The following EPG5 variants were observed in gnomAD, a reference collection of about 807,000 sequenced individuals.
EPG5 encodes ectopic P-granules 5 autophagy tethering factor, also known as ectopic P granules protein 5 homolog.
EPG5 carries 159 observed loss-of-function variants against 302.7 expected under a neutral mutation model. That is an observed-to-expected ratio of 0.53 (90% CI 0.46 to 0.60). The LOEUF is 0.60. Among genes scored for constraint, EPG5 ranks in the 20% least tolerant of loss-of-function variants. The pLI is 0.00. For synonymous variants in EPG5, 1,158 were observed against 1,136.8 expected, an observed-to-expected ratio of 1.02 and a Z score of -0.37; for missense variants, 2,896 against 3,092.4, an observed-to-expected ratio of 0.94 and a Z score of 1.51.
At chr18:45,924,812 C>T (rs8094023) in intron 14 of EPG5, among the ~76,000 whole-genome samples, 24,627 of 152,162 alleles carry the variant, frequency 0.16, 2,403 homozygotes, top group Admixed American at 0.3. Flanking sequence ...CCCAGCTACT[C>T]GGCAGAAGGC....
At chr18:45,841,611 C>G in the EPG5 span, among the ~76,000 whole-genome samples, 1 of 152,096 alleles carries the variant, frequency 6.6e-6, no homozygotes, top group Non-Finnish European at 1.5e-5. Context: ...AGGGCTTGCC[C>G]AAGAGCCCAG....
At chr18:45,914,638 G>A (rs193066139) in intron 20 of EPG5, among the ~76,000 whole-genome samples, 1 of 152,252 alleles carries the variant, frequency 6.6e-6, no homozygotes, top group Non-Finnish European at 1.5e-5. Flanking sequence ...ACTGAGGACA[G>A]ATAGGTAGGC....
intron 41 of EPG5, among the ~76,000 whole-genome samples, 169 bp downstream of exon 41, chr18:45,858,394 CAGA>C (rs1260112427): frequency 6.6e-6 from 1 of 152,250 alleles, no homozygotes; most frequent in Non-Finnish European, 1.5e-5. Flanking sequence ...AAAATCTGCT[CAGA>C]AGATTAGCCT....
intron 30 of EPG5, among the ~76,000 whole-genome samples, chr18:45,883,003 G>A (rs1315868522): frequency 4.7e-5 from 6 of 128,558 alleles, no homozygotes; most frequent in South Asian, 4.8e-4. Flanking sequence ...GCGAAACTGC[G>A]TCTCACAACA....
the EPG5 span, among the ~76,000 whole-genome samples, chr18:45,830,351 G>A: frequency 0.015 from 2,227 of 152,302 alleles, 24 homozygotes; most frequent in Non-Finnish European, 0.022. Flanking sequence ...AGTAGGTTCG[G>A]CATCAGTCAA....
At chr18:45,938,199 G>A (rs1007240822) in intron 10 of EPG5, among the ~76,000 whole-genome samples, 1 of 152,144 alleles carries the variant, frequency 6.6e-6, no homozygotes, top group African/African-American at 2.4e-5. Context: ...AGTGGCTCAT[G>A]TCTGTAATCA....
chr18:45,862,846 A>T (rs2048664937), intron 39 of EPG5, among the ~76,000 whole-genome samples: 1 of 152,236 alleles, frequency 6.6e-6, no homozygotes, highest in Non-Finnish European at 1.5e-5. Flanking sequence ...AATAAGTCCC[A>T]TGTTAGCTGC....
chr18:45,884,497 C>G (rs1177809686), intron 30 of EPG5, 120 bp downstream of exon 30: 2 of 804,632 alleles, frequency 2.5e-6, no homozygotes, highest in Non-Finnish European at 3.8e-6. Flanking sequence ...GTGAAAAAGG[C>G]CTCTCAGCCT....
intron 43 of EPG5, 46 bp downstream of exon 43, chr18:45,855,527 G>A: frequency 7.1e-7 from 1 of 1,406,588 alleles, no homozygotes; most frequent in Non-Finnish European, 1.0e-6. Context: ...TGCCTTCTAG[G>A]GAAGATGTGC....
At chr18:45,836,997 T>A in the EPG5 span, 5 of 1,108,476 alleles carry the variant, frequency 4.5e-6, no homozygotes, top group African/African-American at 6.1e-5. Flanking sequence ...TTTATTCACG[T>A]GTAACCCGGG....
At chr18:45,939,142 A>C (rs978127654) in intron 10 of EPG5, among the ~76,000 whole-genome samples, 6 of 152,210 alleles carry the variant, frequency 3.9e-5, no homozygotes, top group African/African-American at 1.4e-4. Context: ...AGCATTTACA[A>C]AGCTAAGACA....
chr18:45,955,167 C>T lies in EPG5; in HGVS notation c.235G>A (p.Glu79Lys), dbSNP rs2050999503. ...GAGGTGAGTGGTACATCAAACATTT[C>T]ACTCTCATTTTGTCCACTGGCATCA... Reference protein sequence around the residue: ...QDDASGQNESEMFDVPLTSLT... With the variant: ...QDDASGQNESKMFDVPLTSLT... Residue 79 changes from glutamate to lysine, a missense_variant, in exon 2 of 44, where the codon GAA (glutamate) becomes AAA (lysine). Around this residue, in one of 5 missense-constraint regions of EPG5, gnomAD observed 1,390 missense variants for 1,430.0 expected, o/e 0.97. Transcript: ENST00000282041. 3 of 1,614,096 alleles carry T rather than the reference C, an allele frequency of 1.9e-6. No homozygotes were observed. The highest frequency in any genetic ancestry group is 2.5e-6 in the Non-Finnish European group (3 of 1,180,018).
At chr18:45,889,972 T>TC (rs966907404) in intron 27 of EPG5, 32 bp from the exon 28 acceptor site, 2 of 1,524,994 alleles carry the variant, frequency 1.3e-6, no homozygotes, top group East Asian at 2.3e-5. Flanking sequence ...AAAAGACATT[T>TC]CCCCCCATGT....
At chr18:45,867,995 G>T in intron 36 of EPG5, 1 of 565,352 alleles carries the variant, frequency 1.8e-6, no homozygotes, top group South Asian at 1.5e-5. Flanking sequence ...CTTAATAAGC[G>T]AGGAATGACC....
At position 45,907,920 on chromosome 18, in the gene EPG5, TAAAAAAAA is replaced by T. The variant is rs542412749; in HGVS notation, c.4329+30_4329+37del. 6.0e-6 allele frequency: 8 copies of T among 1,343,988 alleles called. No homozygotes were observed. In the Admixed American group the frequency reaches 1.2e-4, roughly 20 times the overall value. 83.3% of individuals were successfully genotyped at this position (1,343,988 alleles called of 1,614,324 possible). On this transcript the variant is annotated intron_variant, in intron 24 of 43. Transcript: ENST00000282041. ...CAGTTCAAATTACATTCAGATATGC[TAAAAAAAA>T]AAAAAAAAAAAGGAGGGCTATAATT...
intron 4 of EPG5, 85 bp from the exon 5 acceptor site, chr18:45,949,676 G>T: frequency 1.3e-6 from 1 of 771,712 alleles, no homozygotes; most frequent in Non-Finnish European, 2.1e-6. Context: ...TTTATCCAGT[G>T]CTTCAATACA....
At chr18:45,826,055 G>A in the EPG5 span, among the ~76,000 whole-genome samples, 1 of 152,168 alleles carries the variant, frequency 6.6e-6, no homozygotes, top group Non-Finnish European at 1.5e-5. Flanking sequence ...CCATTGCTGC[G>A]AGCATCCAGA....
the EPG5 span, among the ~76,000 whole-genome samples, chr18:45,811,697 C>T: frequency 6.6e-6 from 1 of 152,258 alleles, no homozygotes; most frequent in African/African-American, 2.4e-5. Context: ...GCAGAAAAGG[C>T]CTTTGACAAA....
At chr18:45,936,378 T>C (rs1035393445) in intron 10 of EPG5, among the ~76,000 whole-genome samples, 6 of 152,120 alleles carry the variant, frequency 3.9e-5, no homozygotes, top group African/African-American at 1.2e-4. Flanking sequence ...GTAAATGTTA[T>C]CACAACTAAA....
Sources: allele counts gnomAD v4.1 joint callset (sites outside exome capture counted in the v4.1 genomes callset), GRCh38; gene constraint gnomAD v4.1.1; regional missense constraint gnomAD v4.1.1; transcripts MANE v1.5; gene names NCBI Gene and HGNC (gene_info 2026-07-23, HGNC 2026-07-21).